The following SPIN1 variants were observed in gnomAD, a reference collection of about 807,000 sequenced individuals.
SPIN1 encodes the protein spindlin 1.
In SPIN1, 3 loss-of-function variants were observed where a neutral mutation model predicts 26.0. That is an observed-to-expected ratio of 0.12 (90% CI 0.05 to 0.30). The LOEUF (loss-of-function observed/expected upper bound fraction) is 0.30, where lower values mean the gene tolerates loss of function less well. SPIN1 is among the 10% of genes least tolerant of loss of function. The pLI, the probability that SPIN1 is intolerant of heterozygous loss-of-function variation, is 1.00. For missense variants in SPIN1, 126 were observed against 333.4 expected (o/e 0.38, Z 4.84); for synonymous variants, 101 against 116.5 (o/e 0.87, Z 0.86).
At chr9:88,454,508 T>C (rs570003459) in intron 3 of SPIN1, among the ~76,000 whole-genome samples, 17 of 152,314 alleles carry the variant, frequency 1.1e-4, no homozygotes, top group African/African-American at 3.6e-4. Flanking sequence ...TTTAATTTTA[T>C]TTTTTAGAAC....
intron 3 of SPIN1, among the ~76,000 whole-genome samples, chr9:88,459,540 T>G (rs1828536487): frequency 6.7e-6 from 1 of 148,608 alleles, no homozygotes; most frequent in South Asian, 2.1e-4. Context: ...TTTTAATTCT[T>G]TTTTGATCTA....
chr9:88,450,436 T>G (rs1828333017), intron 3 of SPIN1, among the ~76,000 whole-genome samples: 1 of 152,240 alleles, frequency 6.6e-6, no homozygotes, highest in East Asian at 1.9e-4. Context: ...GATTAAAAGT[T>G]CATTTACTTA....
At chr9:88,458,850 G>T (rs889073045) in intron 3 of SPIN1, among the ~76,000 whole-genome samples, 1 of 152,104 alleles carries the variant, frequency 6.6e-6, no homozygotes, top group South Asian at 2.1e-4. Context: ...TTCCTCCTCC[G>T]AGGAGGCCAG....
At chr9:88,472,213 A>G (rs575406893) in intron 5 of SPIN1, among the ~76,000 whole-genome samples, 145 of 152,200 alleles carry the variant, frequency 9.5e-4, no homozygotes, top group African/African-American at 4.1e-4. Flanking sequence ...GACAGGGACT[A>G]TGTTGAATTT....
At chr9:88,446,555 C>A (rs886209207) in intron 2 of SPIN1, among the ~76,000 whole-genome samples, 6 of 151,524 alleles carry the variant, frequency 4.0e-5, no homozygotes, top group African/African-American at 1.5e-4. Flanking sequence ...TACAGGTGTG[C>A]GCCACCACAC....
At chr9:88,444,852 G>A (rs1272395155) in intron 2 of SPIN1, among the ~76,000 whole-genome samples, 3 of 151,736 alleles carry the variant, frequency 2.0e-5, no homozygotes, top group Non-Finnish European at 2.9e-5. Flanking sequence ...CAGCACGCCC[G>A]GCTAATTTTT....
At chr9:88,456,405 G>A (rs2118164979) in intron 3 of SPIN1, among the ~76,000 whole-genome samples, 4 of 152,256 alleles carry the variant, frequency 2.6e-5, no homozygotes, top group Non-Finnish European at 5.9e-5. Context: ...GTGCCAACAA[G>A]TAAATAAACT....
In SPIN1 at chr9:88,410,586, A is replaced by G. The variant is rs1157944904; in HGVS notation, c.-158-15796A>G. The G allele has an allele frequency of 3.0e-5, 26 of 862,714 alleles. No homozygotes were observed. In the Admixed American group the frequency reaches 4.4e-4, roughly 15 times the overall value. 53.4% of individuals were successfully genotyped at this position (862,714 alleles called of 1,614,324 possible). A position where few individuals can be genotyped will look rare whatever the true frequency, so the allele number is the denominator to read the frequency against. ...TGCTACTGGAACCACCATAGTAGCC[A>G]CCGTGGTTTCATGGTTTGGCATAGT... On this transcript the variant is annotated intron_variant, in intron 1 of 5. Transcript: ENST00000375859.
chr9:88,433,618 G>C (rs918704510), intron 2 of SPIN1, among the ~76,000 whole-genome samples: 14 of 152,092 alleles, frequency 9.2e-5, no homozygotes, highest in African/African-American at 3.4e-4. Flanking sequence ...TTTGGAGATG[G>C]ATTGTCAGGT....
chr9:88,459,196 G>T (rs888799382), intron 3 of SPIN1, among the ~76,000 whole-genome samples: 1 of 152,162 alleles, frequency 6.6e-6, no homozygotes, highest in African/African-American at 2.4e-5. Flanking sequence ...GATCCTGTAC[G>T]GGGAGTAACT....
intron 1 of SPIN1, among the ~76,000 whole-genome samples, chr9:88,414,199 A>G (rs879516652): frequency 3.3e-5 from 5 of 152,180 alleles, no homozygotes; most frequent in Admixed American, 2.6e-4. Flanking sequence ...GCTTAACTAC[A>G]TCAGCATGAT....
At chr9:88,467,387 G>A (rs1454792443) in intron 4 of SPIN1, among the ~76,000 whole-genome samples, 1 of 152,178 alleles carries the variant, frequency 6.6e-6, no homozygotes, top group East Asian at 1.9e-4. Flanking sequence ...ATAACATAAA[G>A]TGGGATAACT....
At chr9:88,446,408 G>GTT (rs372052401) in intron 2 of SPIN1, among the ~76,000 whole-genome samples, 5,674 of 129,744 alleles carry the variant, frequency 0.044, 336 homozygotes, top group African/African-American at 0.14. Flanking sequence ...TTGGTTTGCT[G>GTT]TTTTTTTTTT....
intron 1 of SPIN1, among the ~76,000 whole-genome samples, chr9:88,412,533 G>A (rs1472991567): frequency 6.6e-6 from 1 of 152,028 alleles, no homozygotes; most frequent in African/African-American, 2.4e-5. Flanking sequence ...GCCATGGACC[G>A]TTTGCCAGTT....
chr9:88,434,372 A>ATTTTATAAATTATAAAATAGTTTG (rs1827954772), intron 2 of SPIN1, among the ~76,000 whole-genome samples: 1 of 134,662 alleles, frequency 7.4e-6, no homozygotes, highest in African/African-American at 3.7e-5. Context: ...AAAATAGTTT[A>ATTTTATAAATTATAAAATAGTTTG]TTTTATAAAT....
intron 4 of SPIN1, among the ~76,000 whole-genome samples, chr9:88,463,596 C>T (rs1227615230): frequency 2.0e-5 from 3 of 152,086 alleles, no homozygotes; most frequent in African/African-American, 7.2e-5. Context: ...CAGACTGTGC[C>T]ATTGTGTCCC....
At chr9:88,459,208 A>G (rs138257657) in intron 3 of SPIN1, among the ~76,000 whole-genome samples, 219 of 152,320 alleles carry the variant, frequency 1.4e-3, no homozygotes, top group African/African-American at 4.9e-3. Flanking sequence ...GGAGTAACTC[A>G]TTGGATCTTT....
At chr9:88,456,546 A>G (rs920994010) in intron 3 of SPIN1, among the ~76,000 whole-genome samples, 5 of 152,336 alleles carry the variant, frequency 3.3e-5, no homozygotes, top group Non-Finnish European at 5.9e-5. Flanking sequence ...AAGATGCTCA[A>G]CTTACCTCCT....
At chr9:88,442,535 C>G (rs984347716) in intron 2 of SPIN1, among the ~76,000 whole-genome samples, 1 of 151,802 alleles carries the variant, frequency 6.6e-6, no homozygotes, top group Non-Finnish European at 1.5e-5. Context: ...TCCCGAGTAG[C>G]TGGGATTACT....
Sources: allele counts gnomAD v4.1 joint callset (sites outside exome capture counted in the v4.1 genomes callset), GRCh38; gene constraint gnomAD v4.1.1; transcripts MANE v1.5; gene names NCBI Gene and HGNC (gene_info 2026-07-23, HGNC 2026-07-21).